Variants in ADGRV1 observed in about 807,000 individuals in gnomAD.
ADGRV1 encodes G-protein coupled receptor 98.
In ADGRV1, 359 loss-of-function variants were observed where a neutral mutation model predicts 596.2. The observed-to-expected ratio is 0.60, with a 90% CI of 0.55 to 0.66. The LOEUF is 0.66. Among genes scored for constraint, ADGRV1 ranks in the 30% least tolerant of loss-of-function variants. The probability of loss-of-function intolerance (pLI) is 0.00; values close to 1 mark genes in which losing one functional copy is unlikely to be tolerated. For synonymous variants in ADGRV1, 2,681 were observed against 2,679.2 expected (o/e 1.00, Z -0.02); for missense variants, 7,274 against 7,575.6 (o/e 0.96, Z 1.48).
intron 86 of ADGRV1, among the ~76,000 whole-genome samples, chr5:91,076,878 T>C (rs1788902674): frequency 6.6e-6 from 1 of 152,194 alleles, no homozygotes. Flanking sequence ...TTTTTAATTA[T>C]ACTTTAAGTT....
chr5:90,653,351 T>C lies in ADGRV1; in HGVS notation c.3777T>C (p.Ser1259=). The C allele has an allele frequency of 6.2e-7, 1 of 1,613,992 alleles. No individual in the cohort carries two copies. Among genetic ancestry groups the C allele is most frequent in the Non-Finnish European group, 8.5e-7 (1 of 1,179,882 alleles). The change falls in exon 20 of 90, where the codon TCT becomes TCC. Residue 1259 remains serine, a synonymous_variant. Transcript: ENST00000405460. ...GAGAAGTGGCAGAAGATGTCCTGTC[T>C]GAAGATGATATGTCTTATATTACCA... is the stretch of plus-strand genomic sequence containing the variant. ...LEREVAEDVL[S]EDDMSYITNF... is the part of the protein sequence containing the mutation.
At chr5:90,980,491 C>T (rs549579228) in intron 84 of ADGRV1, among the ~76,000 whole-genome samples, 2 of 152,220 alleles carry the variant, frequency 1.3e-5, no homozygotes, top group East Asian at 1.9e-4. Context: ...AATAACATTT[C>T]GGCTAAAAAT....
intron 87 of ADGRV1, among the ~76,000 whole-genome samples, chr5:91,137,653 C>A (rs1319231754): frequency 1.3e-5 from 2 of 152,198 alleles, no homozygotes; most frequent in Non-Finnish European, 2.9e-5. Context: ...GCAAAGCCTT[C>A]ACTTGGACCC....
chr5:90,759,530 CTGT>C lies in ADGRV1; in HGVS notation c.12067_12069del (p.Val4023del). On this transcript the variant is annotated inframe_deletion, in exon 58 of 90. Coordinates refer to ENST00000405460, the MANE Select transcript of ADGRV1 (RefSeq NM_032119.4). ...AGACTTGGTGATGATGTTGTGGTAA[CTGT>C]TGTTATTCCACAAAATGATTCTCCA... 3 of 1,613,030 alleles carry C rather than the reference CTGT, an allele frequency of 1.9e-6. No individual in the cohort carries two copies. The highest frequency in any genetic ancestry group is 2.5e-6 in the Non-Finnish European group (3 of 1,179,230).
chr5:90,745,124 T>C lies in ADGRV1; in HGVS notation c.10628T>C (p.Leu3543Pro). The change falls in exon 51 of 90, where the codon CTG becomes CCG. Residue 3543 changes from leucine to proline, a missense_variant. Leu to Pro is a moderately conservative substitution (Grantham distance 98). Transcript: ENST00000405460. ...NSERNQFSFV[L>P]EVPSAYDVAS... Reference sequence around the variant, plus strand: ...GAGCGTAATCAATTCTCTTTTGTTCTGGAAGTACCTTCTGCTTATGATGTG... The same window carrying C: ...GAGCGTAATCAATTCTCTTTTGTTCCGGAAGTACCTTCTGCTTATGATGTG... 1 of 1,613,834 alleles carries C rather than the reference T, an allele frequency of 6.2e-7. No homozygotes were observed. The highest frequency in any genetic ancestry group is 1.1e-5 in the South Asian group (1 of 91,076).
At position 90,720,176 on chromosome 5, in the gene ADGRV1, A is replaced by G; in HGVS notation, c.9576A>G (p.Gln3192=). The G allele has an allele frequency of 1.2e-6, 2 of 1,608,404 alleles. No homozygotes were observed. The highest frequency in any genetic ancestry group is 1.1e-5 in the South Asian group (1 of 89,388). ...TTCAAACCCTGATAACAGTTTTGCAAAACCAGGCCCCTTTGGGGCTATTCA... is the reference window on the plus strand; with the variant it reads ...TTCAAACCCTGATAACAGTTTTGCAGAACCAGGCCCCTTTGGGGCTATTCA... ...VHVQTLITVL[Q]NQAPLGLFSI... is the part of the protein sequence containing the mutation. The change falls in exon 44 of 90, where the codon CAA becomes CAG. Residue 3192 remains glutamine (Q), a synonymous_variant. Coordinates refer to ENST00000405460, the MANE Select transcript of ADGRV1 (RefSeq NM_032119.4).
intron 59 of ADGRV1, among the ~76,000 whole-genome samples, chr5:90,772,568 G>T (rs928824870): frequency 7.2e-5 from 11 of 152,194 alleles, no homozygotes; most frequent in Admixed American, 7.2e-4. Context: ...TTAAACATGA[G>T]AAATGTATTT....
chr5:90,595,865 G>T (rs1296037520), intron 1 of ADGRV1, among the ~76,000 whole-genome samples: 2 of 150,722 alleles, frequency 1.3e-5, no homozygotes, highest in African/African-American at 4.9e-5. Flanking sequence ...CTCCCGGACG[G>T]GGCGGCTGGC....
Position 90,628,637 on chromosome 5 carries a change from C to T in ADGRV1, c.1314C>T (p.Asn438=). ...CTGCGAATTGGGTGTTGACACGGAA[C>T]AGCACTGATCCCTCACCAGTAACAG... ...NVSANWVLTR[N]STDPSPVTAD... is the part of the protein sequence containing the mutation. The change falls in exon 8 of 90, where the codon AAC becomes AAT. Residue 438 remains asparagine, a synonymous_variant. Coordinates refer to ENST00000405460, the MANE Select transcript of ADGRV1 (RefSeq NM_032119.4). The T allele has an allele frequency of 1.9e-6, 3 of 1,613,884 alleles. No homozygotes were observed. Among genetic ancestry groups the T allele is most frequent in the Non-Finnish European group, 2.5e-6 (3 of 1,179,784 alleles).
At chr5:91,103,348 G>A (rs964678113) in intron 87 of ADGRV1, among the ~76,000 whole-genome samples, 4 of 151,652 alleles carry the variant, frequency 2.6e-5, no homozygotes, top group Admixed American at 2.6e-4. Context: ...TTGCCAGGTG[G>A]TAAAGAAGAC....
intron 83 of ADGRV1, among the ~76,000 whole-genome samples, chr5:90,888,232 A>T (rs1317539655): frequency 1.3e-5 from 2 of 152,310 alleles, no homozygotes; most frequent in South Asian, 2.1e-4. Context: ...CTCTAGAAGG[A>T]AGAGTGAGCT....
At chr5:90,635,931 A>C (rs1483454599) in intron 10 of ADGRV1, among the ~76,000 whole-genome samples, 1 of 150,298 alleles carries the variant, frequency 6.7e-6, no homozygotes, top group Non-Finnish European at 1.5e-5. Context: ...AATGGCCAAG[A>C]CATGGTACCA....
intron 61 of ADGRV1, 135 bp from the exon 62 acceptor site, chr5:90,777,770 G>A (rs1758401928): frequency 1.3e-6 from 1 of 745,182 alleles, no homozygotes; most frequent in Admixed American, 3.2e-5. Flanking sequence ...TTTATAGTTT[G>A]GTAAATGAGG....
chr5:90,750,674 G>A lies in ADGRV1; in HGVS notation c.11098G>A (p.Asp3700Asn). Residue 3700 changes from aspartate to asparagine, a missense_variant, in exon 53 of 90, where the codon GAT (aspartate) becomes AAT (asparagine). Asp to Asn is a conservative substitution (Grantham distance 23). This residue lies in a region of ADGRV1 where 3,643 missense variants were observed against 3,809.2 expected (regional missense o/e 0.96). Coordinates refer to ENST00000405460, the MANE Select transcript of ADGRV1 (RefSeq NM_032119.4). ...ATGGGAAGCTGATGGAAGTATTAGTGATATATTTCCTACCTCAGGAGTGGT... is the reference window on the plus strand; with the variant it reads ...ATGGGAAGCTGATGGAAGTATTAGTAATATATTTCCTACCTCAGGAGTGGT... The part of the protein sequence containing the change: ...IAWEADGSIS[D>N]IFPTSGVILF... 6.2e-7 allele frequency: 1 copy of A among 1,611,676 alleles called. No individual in the cohort carries two copies. The highest frequency in any genetic ancestry group is 8.5e-7 in the Non-Finnish European group (1 of 1,177,998).
chr5:90,624,893 A>G (rs187878983), intron 5 of ADGRV1, among the ~76,000 whole-genome samples: 86 of 152,218 alleles, frequency 5.6e-4, no homozygotes, highest in African/African-American at 1.9e-3. Context: ...CAGGTTTAAC[A>G]TAATGGTTGA....
At chr5:91,161,127 G>C (rs967935980) in intron 89 of ADGRV1, among the ~76,000 whole-genome samples, 1 of 152,108 alleles carries the variant, frequency 6.6e-6, no homozygotes, top group African/African-American at 2.4e-5. Flanking sequence ...CTAATCATGG[G>C]GTCCTCTCTG....
rs565248021 is a variant in ADGRV1, at chr5:90,627,099, G to T, written c.673-112G>T. 64 of 576,532 alleles carry T rather than the reference G, an allele frequency of 1.1e-4. 1 individual carries two copies. In the South Asian group the frequency reaches 1.6e-3, roughly 15 times the overall value. The allele number at this position is 576,532 out of a possible 1,614,324, so 35.7% of individuals were successfully genotyped here. On this transcript the variant is annotated intron_variant, in intron 6 of 89. Transcript: ENST00000405460. ...CTTTCTATTTGCTCCCTCAGTTAAA[G>T]AATTTTTATTTCTATGTAATTGTAT...
intron 4 of ADGRV1, among the ~76,000 whole-genome samples, chr5:90,621,297 C>G (rs1270561583): frequency 6.6e-6 from 1 of 152,084 alleles, no homozygotes; most frequent in Non-Finnish European, 1.5e-5. Context: ...TTCTTGGTAC[C>G]TTAACTTATC....
intron 87 of ADGRV1, among the ~76,000 whole-genome samples, chr5:91,140,222 G>A (rs1023245122): frequency 5.3e-5 from 8 of 152,088 alleles, no homozygotes; most frequent in Non-Finnish European, 1.0e-4. Flanking sequence ...AGCTTCTACA[G>A]CAAAGTGATC....
Sources: allele counts gnomAD v4.1 joint callset (sites outside exome capture counted in the v4.1 genomes callset), GRCh38; gene constraint gnomAD v4.1.1; regional missense constraint gnomAD v4.1.1; transcripts MANE v1.5; gene names NCBI Gene and HGNC (gene_info 2026-07-23, HGNC 2026-07-21).